SNX29: variants seen among roughly 807,000 people sequenced by gnomAD.
SNX29 encodes the protein sorting nexin-29.
SNX29 carries 78 observed loss-of-function variants against 102.1 expected under a neutral mutation model. The ratio of observed to expected loss-of-function variants is 0.76; its 90% CI spans 0.64 to 0.92. SNX29 has a LOEUF of 0.92. SNX29 is among the 40% of genes least tolerant of loss of function. SNX29 has a pLI of 0.00. For synonymous variants in SNX29, 580 were observed against 414.5 expected (o/e 1.40, Z -4.85); for missense variants, 1,280 against 1,061.7 (o/e 1.21, Z -2.86).
intron 18 of SNX29, among the ~76,000 whole-genome samples, chr16:12,410,550 A>G (rs1014326995): frequency 3.3e-5 from 5 of 152,052 alleles, no homozygotes; most frequent in Non-Finnish European, 5.9e-5. Context: ...AGGTCAAGCA[A>G]TCCTCCTGCC....
chr16:12,324,150 A>AT (rs1467984419), intron 15 of SNX29, among the ~76,000 whole-genome samples: 1 of 151,790 alleles, frequency 6.6e-6, no homozygotes, highest in East Asian at 1.9e-4. Flanking sequence ...TGTTCTAGGC[A>AT]TTTTTGGGGG....
At chr16:12,545,138 C>G (rs1490939041) in intron 20 of SNX29, among the ~76,000 whole-genome samples, 1 of 152,092 alleles carries the variant, frequency 6.6e-6, no homozygotes. Context: ...TTACCTAGCA[C>G]AGCTATGAAG....
chr16:12,567,577 C>T (rs966691073), intron 20 of SNX29, among the ~76,000 whole-genome samples: 1 of 151,992 alleles, frequency 6.6e-6, no homozygotes, highest in Non-Finnish European at 1.5e-5. Flanking sequence ...TGAGACCAGC[C>T]TGGACAAGAG....
At chr16:12,095,965 G>A (rs2052750077) in intron 11 of SNX29, among the ~76,000 whole-genome samples, 1 of 152,196 alleles carries the variant, frequency 6.6e-6, no homozygotes, top group African/African-American at 2.4e-5. Context: ...CCAAACATTC[G>A]GCAGCTCCAG....
At chr16:12,158,997 C>T (rs781300070) in intron 13 of SNX29, among the ~76,000 whole-genome samples, 10 of 152,234 alleles carry the variant, frequency 6.6e-5, no homozygotes, top group Non-Finnish European at 1.3e-4. Flanking sequence ...ATTTGTAACA[C>T]ACCTGCCTGT....
chr16:12,311,148 C>T (rs2080528237), intron 15 of SNX29, among the ~76,000 whole-genome samples: 1 of 152,216 alleles, frequency 6.6e-6, no homozygotes, highest in Non-Finnish European at 1.5e-5. Flanking sequence ...AAAAATTAAG[C>T]TCTTCATTTG....
rs1205677892 is a variant in SNX29, at chr16:12,574,153, G to C, written c.*5524G>C. On this transcript the variant is annotated 3_prime_UTR_variant, in exon 21 of 21. Coordinates refer to ENST00000566228, the MANE Select transcript of SNX29 (RefSeq NM_032167.5). ...CATAATAGGATTTTTAAACAAATGT[G>C]TTTAATTTTTTAAGATCTCTTGTAT... 1 of 181,582 alleles carries C rather than the reference G, an allele frequency of 5.5e-6. No individual in the cohort carries two copies. Among genetic ancestry groups the C allele is most frequent in the Non-Finnish European group, 1.2e-5 (1 of 85,116 alleles). The allele number at this position is 181,582 out of a possible 1,614,324, so 11.2% of individuals were successfully genotyped here. A position where few individuals can be genotyped will look rare whatever the true frequency, so the allele number is the denominator to read the frequency against.
In SNX29 at chr16:12,574,176, T is replaced by G. The variant is rs1238197303; in HGVS notation, c.*5547T>G. ...GTGTTTAATTTTTTAAGATCTCTTG[T>G]ATTAAAATTTTCTTTTGGAATAAGC... On this transcript the variant is annotated 3_prime_UTR_variant, in exon 21 of 21. Transcript: ENST00000566228. 1 of 179,676 alleles carries G rather than the reference T, an allele frequency of 5.6e-6. No individual in the cohort carries two copies. The highest frequency in any genetic ancestry group is 2.4e-5 in the African/African-American group (1 of 42,356). 11.1% of individuals were successfully genotyped at this position (179,676 alleles called of 1,614,324 possible).
chr16:12,444,848 T>TG (rs948896302), intron 18 of SNX29, among the ~76,000 whole-genome samples: 9 of 149,844 alleles, frequency 6.0e-5, no homozygotes, highest in African/African-American at 1.5e-4. Flanking sequence ...TTTTGTTTTT[T>TG]TTTTTTTTTG....
At chr16:12,331,746 T>C (rs1249169893) in intron 15 of SNX29, among the ~76,000 whole-genome samples, 1 of 152,162 alleles carries the variant, frequency 6.6e-6, no homozygotes, top group Non-Finnish European at 1.5e-5. Context: ...GAGATGTCGT[T>C]TCACCATGTT....
At chr16:12,330,267 G>T (rs1349652286) in intron 15 of SNX29, among the ~76,000 whole-genome samples, 33 of 152,010 alleles carry the variant, frequency 2.2e-4, no homozygotes, top group Admixed American at 2.2e-3. Context: ...CTCACCTGGC[G>T]ACCAGCCTGA....
intron 11 of SNX29, among the ~76,000 whole-genome samples, chr16:12,117,098 G>A (rs1347601860): frequency 1.5e-5 from 2 of 132,736 alleles, no homozygotes; most frequent in African/African-American, 5.8e-5. Context: ...TGGTCAATAC[G>A]TGCTTCAGTG....
chr16:12,106,400 T>A (rs2053241873), intron 11 of SNX29, among the ~76,000 whole-genome samples: 1 of 152,140 alleles, frequency 6.6e-6, no homozygotes, highest in African/African-American at 2.4e-5. Context: ...GTTGCCCTTG[T>A]CCACGTGTCC....
At chr16:12,005,537 G>T (rs936575240) in intron 3 of SNX29, among the ~76,000 whole-genome samples, 6 of 152,104 alleles carry the variant, frequency 3.9e-5, no homozygotes, top group African/African-American at 1.4e-4. Context: ...TTCCTGGCCG[G>T]GTTGGTTTGT....
At chr16:12,483,053 G>A (rs1379037696) in intron 19 of SNX29, among the ~76,000 whole-genome samples, 1 of 143,776 alleles carries the variant, frequency 7.0e-6, no homozygotes, top group Admixed American at 7.2e-5. Flanking sequence ...TTCACCATTC[G>A]ATGAAGTTTA....
At chr16:12,372,607 A>G (rs1405751213) in intron 16 of SNX29, 3 of 152,204 alleles carry the variant, frequency 2.0e-5, no homozygotes, top group Admixed American at 6.5e-5. Context: ...AGAATGAGCA[A>G]TGAGTAAGAA....
rs4390575 is a variant in SNX29, at chr16:12,536,662, C to G, written c.2318+11821C>G. On this transcript the variant is annotated intron_variant, in intron 20 of 20. Transcript: ENST00000566228. ...CAGCTAATTTCTGGGTTCCTTAGATCCAGGGAAGAGCTGGTATTAAGAGGT... is the reference window on the plus strand; with the variant it reads ...CAGCTAATTTCTGGGTTCCTTAGATGCAGGGAAGAGCTGGTATTAAGAGGT... 1.3e-5 allele frequency among the ~76,000 whole-genome samples: 2 copies of G among 152,034 alleles called. 1 individual carries two copies. Among genetic ancestry groups the G allele is most frequent in the South Asian group, 4.1e-4 (2 of 4,826 alleles).
intron 14 of SNX29, among the ~76,000 whole-genome samples, chr16:12,269,146 A>G (rs7192102): frequency 0.63 from 96,095 of 152,120 alleles, 31,368 homozygotes; most frequent in African/African-American, 0.78. Flanking sequence ...TGTTTTTGCC[A>G]AATCATTATT....
rs180773372 is a variant in SNX29, at chr16:12,567,754, C to A, written c.2319-752C>A. Among the ~76,000 whole-genome samples the A allele has an allele frequency of 3.9e-3, 596 of 152,298 alleles. 12 individuals are homozygous for A. Among genetic ancestry groups the A allele is most frequent in the Admixed American group, 0.03 (464 of 15,298 alleles). ...TGTAAAACCTGGGCAAGAGTCGAGACTGTCTCCAGAAAATACAATTTTGAA... is the reference window on the plus strand; with the variant it reads ...TGTAAAACCTGGGCAAGAGTCGAGAATGTCTCCAGAAAATACAATTTTGAA... On this transcript the variant is annotated intron_variant, in intron 20 of 20. Coordinates refer to ENST00000566228, the MANE Select transcript of SNX29 (RefSeq NM_032167.5).
Sources: gnomAD v4.1 joint callset for allele counts (sites outside exome capture counted in the v4.1 genomes callset) on GRCh38, gnomAD v4.1.1 for gene constraint, MANE v1.5 for transcripts, NCBI Gene and HGNC (gene_info 2026-07-23, HGNC 2026-07-21) for gene names.